R3HDM1: variants seen among roughly 807,000 people sequenced by gnomAD.
R3HDM1 encodes the protein R3H domain-containing protein 1.
R3HDM1 carries 46 observed loss-of-function variants against 141.1 expected under a neutral mutation model. That is an observed-to-expected ratio of 0.33 (90% CI 0.26 to 0.42). R3HDM1 has a LOEUF of 0.42. Ranked by LOEUF, R3HDM1 falls within the 10% of genes least tolerant of loss-of-function variation. The pLI, the probability that R3HDM1 is intolerant of heterozygous loss-of-function variation, is 1.00. For synonymous variants in R3HDM1, 435 were observed against 472.9 expected, an observed-to-expected ratio of 0.92 and a Z score of 1.04; for missense variants, 1,184 against 1,368.3, an observed-to-expected ratio of 0.87 and a Z score of 2.12.
intron 16 of R3HDM1, among the ~76,000 whole-genome samples, chr2:135,648,725 A>T (rs2064765273): frequency 6.6e-6 from 1 of 150,938 alleles, no homozygotes; most frequent in Admixed American, 6.6e-5. Flanking sequence ...ATGCAATTTT[A>T]GTTTGTGGAT....
intron 19 of R3HDM1, chr2:135,669,428 T>C: frequency 1.0e-6 from 1 of 984,068 alleles, no homozygotes; most frequent in Non-Finnish European, 1.2e-6. Flanking sequence ...TCCTTGTTGA[T>C]TGACATTATT....
At chr2:135,592,388 A>G (rs1709480272) in intron 1 of R3HDM1, among the ~76,000 whole-genome samples, 1 of 152,198 alleles carries the variant, frequency 6.6e-6, no homozygotes, top group Non-Finnish European at 1.5e-5. Flanking sequence ...ATTTACTTTT[A>G]TGGTAATTAT....
At chr2:135,684,055 T>C (rs1222033059) in intron 21 of R3HDM1, among the ~76,000 whole-genome samples, 2 of 151,982 alleles carry the variant, frequency 1.3e-5, no homozygotes, top group Non-Finnish European at 2.9e-5. Flanking sequence ...AAATCTATAC[T>C]GAATGAACAT....
At chr2:135,626,251 G>A (rs1232282979) in intron 7 of R3HDM1, among the ~76,000 whole-genome samples, 1 of 152,126 alleles carries the variant, frequency 6.6e-6, no homozygotes, top group Non-Finnish European at 1.5e-5. Context: ...TTGCTTGCTG[G>A]TGGAGAGAAA....
rs1055798223 is a variant in R3HDM1, at chr2:135,634,754, C to A, written c.699-1136C>A. 4.6e-5 allele frequency among the ~76,000 whole-genome samples: 7 copies of A among 152,290 alleles called. No homozygotes were observed. In the South Asian group the frequency reaches 1.5e-3, roughly 32 times the overall value. Reference sequence around the variant, plus strand: ...ATTAGAAATTTACTTAGGTTATTCACATATATCATTTGATATTTGAACTAT... The same window carrying A: ...ATTAGAAATTTACTTAGGTTATTCAAATATATCATTTGATATTTGAACTAT... On this transcript the variant is annotated intron_variant, in intron 9 of 26. Transcript: ENST00000683871.
intron 21 of R3HDM1, among the ~76,000 whole-genome samples, chr2:135,699,104 T>TAGATAGATAGATAGA (rs34393221): frequency 1.4e-5 from 2 of 140,770 alleles, no homozygotes; most frequent in Admixed American, 7.2e-5. Flanking sequence ...GATAGATAGA[T>TAGATAGATAGATAGA]TAGATATTCC....
At chr2:135,623,070 T>A in intron 7 of R3HDM1, 1 of 970,038 alleles carries the variant, frequency 1.0e-6, no homozygotes, top group Non-Finnish European at 1.2e-6. Context: ...AATAAGAACT[T>A]AGTGTATTCA....
intron 1 of R3HDM1, chr2:135,584,382 G>A (rs866730236): frequency 4.3e-6 from 4 of 940,044 alleles, no homozygotes; most frequent in African/African-American, 1.8e-5. Flanking sequence ...TTATTTGAAA[G>A]TTTTCATTAC....
intron 19 of R3HDM1, among the ~76,000 whole-genome samples, chr2:135,671,341 G>C (rs2068300466): frequency 6.6e-6 from 1 of 151,840 alleles, no homozygotes; most frequent in African/African-American, 2.4e-5. Flanking sequence ...TTGTAAACCA[G>C]TGTTACGTTA....
intron 5 of R3HDM1, 60 bp from the exon 6 acceptor site, chr2:135,621,434 T>G: frequency 9.9e-7 from 1 of 1,008,150 alleles, no homozygotes; most frequent in South Asian, 2.1e-5. Context: ...AATATAAATG[T>G]GTGGTATTAA....
At chr2:135,630,635 G>A (rs1210483380) in intron 7 of R3HDM1, among the ~76,000 whole-genome samples, 1 of 152,122 alleles carries the variant, frequency 6.6e-6, no homozygotes, top group Non-Finnish European at 1.5e-5. Flanking sequence ...TAGACTTTCA[G>A]GTGACCAAAG....
chr2:135,539,364 A>G lies in R3HDM1; in HGVS notation c.-250+7731A>G, dbSNP rs138389263. On this transcript the variant is annotated intron_variant, in intron 1 of 26. Coordinates refer to ENST00000683871, the MANE Select transcript of R3HDM1 (RefSeq NM_001378107.1). ...AGTAGGTTTACACCAGCATCACCAT[A>G]AACACGTGAGTAATGTGTTGTGTTA... Among the ~76,000 whole-genome samples the G allele has an allele frequency of 2.9e-3, 448 of 152,324 alleles. 4 individuals are homozygous for G. Among genetic ancestry groups the G allele is most frequent in the Non-Finnish European group, 1.8e-3 (123 of 68,034 alleles).
chr2:135,709,195 T>C (rs1393243751), intron 21 of R3HDM1, among the ~76,000 whole-genome samples: 2 of 152,078 alleles, frequency 1.3e-5, no homozygotes, highest in East Asian at 3.9e-4. Flanking sequence ...TGCCTCAGCC[T>C]CCTGAATAGC....
In R3HDM1 at chr2:135,724,119, C is replaced by T. The variant is rs768856139; in HGVS notation, c.3232C>T (p.Arg1078Cys). 5 of 1,614,086 alleles carry T rather than the reference C, an allele frequency of 3.1e-6. No homozygotes were observed. The highest frequency in any genetic ancestry group is 2.2e-5 in the East Asian group (1 of 44,874). Residue 1078 changes from arginine to cysteine, a missense_variant, in exon 27 of 27, where the codon CGC (arginine) becomes TGC (cysteine). By Grantham distance (180) the Arg-to-Cys change is radical (BLOSUM62 -3). Coordinates refer to ENST00000683871, the MANE Select transcript of R3HDM1 (RefSeq NM_001378107.1). The stretch of plus-strand genomic sequence containing the variant: ...TGGGGACAACACTGCCAACCCTGAA[C>T]GCTCTAAACCCAGTGACTTGGCCTC... ...GSGDNTANPE[R>C]SKPSDLASTY...
chr2:135,645,591 C>T (rs937891200), intron 16 of R3HDM1, 64 bp downstream of exon 16: 50 of 1,533,620 alleles, frequency 3.3e-5, no homozygotes, highest in African/African-American at 8.2e-5. Context: ...GGACTAAATT[C>T]GCTAATTATA....
chr2:135,686,785 C>T (rs574800878), intron 21 of R3HDM1, among the ~76,000 whole-genome samples: 5 of 152,250 alleles, frequency 3.3e-5, no homozygotes, highest in East Asian at 1.9e-4. Flanking sequence ...ATTATTTAGC[C>T]TTTAAAGATG....
chr2:135,579,976 C>T (rs1432583472), intron 1 of R3HDM1, among the ~76,000 whole-genome samples: 4 of 152,094 alleles, frequency 2.6e-5, no homozygotes, highest in African/African-American at 9.7e-5. Flanking sequence ...AAATAGGGGC[C>T]GGGCATAGTG....
At chr2:135,671,588 T>C (rs2068358466) in intron 19 of R3HDM1, among the ~76,000 whole-genome samples, 1 of 151,644 alleles carries the variant, frequency 6.6e-6, no homozygotes, top group Non-Finnish European at 1.5e-5. Context: ...AGGCTGGTCT[T>C]GAACTCCTGA....
At position 135,667,654 on chromosome 2, in the gene R3HDM1, A is replaced by G. The variant is rs1054535921; in HGVS notation, c.2152+6261A>G. 23 of 976,614 alleles carry G rather than the reference A, an allele frequency of 2.4e-5. No homozygotes were observed. In the African/African-American group the frequency reaches 2.8e-4, roughly 12 times the overall value. The allele number at this position is 976,614 out of a possible 1,614,324, so 60.5% of individuals were successfully genotyped here. ...ATGTGGTAGCCAAGTTGGAGTCGGG[A>G]TACTGGAAATACTCTTCTTGTAGCA... is the stretch of plus-strand genomic sequence containing the variant. On this transcript the variant is annotated intron_variant, in intron 19 of 26. Transcript: ENST00000683871.
Sources: allele counts gnomAD v4.1 joint callset (sites outside exome capture counted in the v4.1 genomes callset), GRCh38; gene constraint gnomAD v4.1.1; transcripts MANE v1.5; gene names NCBI Gene and HGNC (gene_info 2026-07-23, HGNC 2026-07-21).